The following FAM13A variants were observed in gnomAD, a reference collection of about 807,000 sequenced individuals.
The protein encoded by FAM13A is protein FAM13A.
Under a neutral mutation model 129.6 loss-of-function variants are expected in FAM13A, and 76 were observed. That is an observed-to-expected ratio of 0.59 (90% CI 0.49 to 0.71). The LOEUF (loss-of-function observed/expected upper bound fraction) is 0.71. FAM13A is among the 30% of genes least tolerant of loss of function. The pLI, the probability that FAM13A is intolerant of heterozygous loss-of-function variation, is 0.00. For missense variants in FAM13A, 1,108 were observed against 1,249.3 expected (o/e 0.89, Z 1.70); for synonymous variants, 443 against 449.9 (o/e 0.98, Z 0.20).
chr4:88,740,224 G>A (rs1241672997), intron 19 of FAM13A, among the ~76,000 whole-genome samples: 2 of 152,104 alleles, frequency 1.3e-5, no homozygotes, highest in African/African-American at 4.8e-5. Context: ...CCCCCATTCT[G>A]GGAGACTCAC....
At chr4:88,932,286 G>C (rs1303477290) in intron 5 of FAM13A, among the ~76,000 whole-genome samples, 2 of 152,130 alleles carry the variant, frequency 1.3e-5, no homozygotes, top group African/African-American at 4.8e-5. Flanking sequence ...TTCCTCATCT[G>C]TAAACCAGTA....
chr4:88,897,816 G>A (rs1457786356), intron 6 of FAM13A, among the ~76,000 whole-genome samples: 1 of 152,142 alleles, frequency 6.6e-6, no homozygotes, highest in Non-Finnish European at 1.5e-5. Context: ...CTTGGTGACA[G>A]AGTTAGTACC....
chr4:88,864,020 A>C (rs980117398), intron 6 of FAM13A, among the ~76,000 whole-genome samples: 3 of 152,256 alleles, frequency 2.0e-5, no homozygotes, highest in Non-Finnish European at 2.9e-5. Flanking sequence ...TAAACAAAAA[A>C]ATCGGAATAT....
rs1254434005 is a variant in FAM13A, at chr4:89,010,325, T to C, written c.427+10135A>G. 2.0e-5 allele frequency among the ~76,000 whole-genome samples: 3 copies of C among 152,210 alleles called. No individual in the cohort carries two copies. In the East Asian group the frequency reaches 5.8e-4, roughly 29 times the overall value. On this transcript the variant is annotated intron_variant, in intron 3 of 23. Coordinates refer to ENST00000264344, the MANE Select transcript of FAM13A (RefSeq NM_014883.4). ...GCTTTGTACCGAATAAACTCTAAAC[T>C]TAATCATATTTTCTGAATTTCATCA...
chr4:88,966,704 T>G (rs1429411226), intron 4 of FAM13A, among the ~76,000 whole-genome samples: 2 of 152,286 alleles, frequency 1.3e-5, no homozygotes, highest in South Asian at 2.1e-4. Flanking sequence ...TATTCTATGT[T>G]AAGAGGAATC....
chr4:88,906,354 C>A lies in FAM13A; in HGVS notation c.843+25G>T. On this transcript the variant is annotated intron_variant, in intron 6 of 23. Transcript: ENST00000264344. ...AACCATGCTAAAGATTTCACATGGT[C>A]GCCTACAGAGAAAACATAGTTTACC... is the stretch of plus-strand genomic sequence containing the variant. The A allele has an allele frequency of 3.5e-6, 5 of 1,415,574 alleles. No individual in the cohort carries two copies. The South Asian group carries it at 3.6e-5, about 10-fold the overall frequency. The allele number at this position is 1,415,574 out of a possible 1,614,324, so 87.7% of individuals were successfully genotyped here.
intron 4 of FAM13A, among the ~76,000 whole-genome samples, chr4:88,976,729 C>CCCA: frequency 6.0e-5 from 1 of 16,684 alleles, no homozygotes; most frequent in Admixed American, 5.3e-4. Flanking sequence ...CTCACTGACT[C>CCCA]ACACAGAGCA....
chr4:88,751,111 G>A (rs1450127240), intron 14 of FAM13A, among the ~76,000 whole-genome samples: 5 of 152,266 alleles, frequency 3.3e-5, no homozygotes, highest in South Asian at 2.1e-4. Flanking sequence ...GCGTGGTGGC[G>A]GATGCCTGTA....
chr4:88,939,508 T>G (rs560475153), intron 4 of FAM13A, among the ~76,000 whole-genome samples: 4 of 152,272 alleles, frequency 2.6e-5, no homozygotes, highest in African/African-American at 9.6e-5. Flanking sequence ...GATTCTGTTT[T>G]CCAAATAAGG....
At chr4:88,799,801 A>G (rs1165844410) in intron 8 of FAM13A, among the ~76,000 whole-genome samples, 2 of 152,148 alleles carry the variant, frequency 1.3e-5, no homozygotes, top group Non-Finnish European at 2.9e-5. Context: ...TCCACTGCTG[A>G]GTATATACCC....
chr4:89,028,230 A>C (rs1000300583), intron 2 of FAM13A, among the ~76,000 whole-genome samples: 3 of 149,042 alleles, frequency 2.0e-5, no homozygotes, highest in Admixed American at 6.6e-5. Flanking sequence ...AAAAGCCCCC[A>C]AAAACTGATG....
At chr4:88,866,150 C>T (rs1380740976) in intron 6 of FAM13A, among the ~76,000 whole-genome samples, 1 of 151,822 alleles carries the variant, frequency 6.6e-6, no homozygotes, top group Non-Finnish European at 1.5e-5. Flanking sequence ...TGGGTTCAAG[C>T]GTTCTCCTGC....
intron 6 of FAM13A, among the ~76,000 whole-genome samples, chr4:88,878,068 T>A (rs1742866451): frequency 6.6e-6 from 1 of 151,960 alleles, no homozygotes; most frequent in Non-Finnish European, 1.5e-5. Flanking sequence ...GGCGGGCGGA[T>A]CACGAGGTCA....
chr4:88,840,743 A>G (rs762216239), intron 7 of FAM13A, among the ~76,000 whole-genome samples: 4 of 152,102 alleles, frequency 2.6e-5, no homozygotes, highest in Non-Finnish European at 4.4e-5. Context: ...GATCTAAATC[A>G]TGCTCATATC....
chr4:88,811,406 C>T (rs1729640469), intron 7 of FAM13A, among the ~76,000 whole-genome samples: 1 of 152,130 alleles, frequency 6.6e-6, no homozygotes, highest in Non-Finnish European at 1.5e-5. Context: ...TTCTTTATCA[C>T]CTATTCTGTC....
intron 19 of FAM13A, among the ~76,000 whole-genome samples, chr4:88,743,194 C>T (rs573497431): frequency 7.2e-5 from 11 of 152,224 alleles, no homozygotes; most frequent in South Asian, 2.1e-4. Context: ...CCGTAAATTT[C>T]GGATATTTCA....
rs538935702 is a variant in FAM13A at position 88,728,555 on chromosome 4, T to A, written c.3050A>T (p.Asp1017Val). Residue 1017 changes from aspartate (D) to valine (V), a missense_variant, in exon 24 of 24, where the codon GAC becomes GTC. Coordinates refer to ENST00000264344, the MANE Select transcript of FAM13A (RefSeq NM_014883.4). ...CCCTCACATGGACTTGGAATCAGTG[T>A]CTCTCTTGCTGATGAGCACCTCCAG... ...RLLEVLISKRDTDSKSM is the reference protein window; with the variant it reads ...RLLEVLISKRVTDSKSM The A allele has an allele frequency of 8.1e-6, 13 of 1,614,192 alleles. No homozygotes were observed. The highest frequency in any genetic ancestry group is 2.2e-5 in the South Asian group (2 of 91,086).
intron 13 of FAM13A, among the ~76,000 whole-genome samples, chr4:88,761,066 G>A (rs989391356): frequency 6.6e-6 from 1 of 152,134 alleles, no homozygotes; most frequent in African/African-American, 2.4e-5. Flanking sequence ...TTGCTTACAG[G>A]CAGACCTGGG....
chr4:89,043,212 C>T (rs757546637), intron 1 of FAM13A, among the ~76,000 whole-genome samples: 3 of 152,048 alleles, frequency 2.0e-5, no homozygotes, highest in African/African-American at 4.8e-5. Context: ...AGAGAAGAGG[C>T]GGGAGAAGGT....
Sources: allele counts gnomAD v4.1 joint callset (sites outside exome capture counted in the v4.1 genomes callset), GRCh38; gene constraint gnomAD v4.1.1; transcripts MANE v1.5; gene names NCBI Gene and HGNC (gene_info 2026-07-23, HGNC 2026-07-21).